Variants in ROCK1 observed in about 807,000 individuals in gnomAD.
The protein encoded by ROCK1 is rho-associated protein kinase 1.
ROCK1 carries 36 observed loss-of-function variants against 196.8 expected under a neutral mutation model. That is an observed-to-expected ratio of 0.18 (90% confidence interval 0.14 to 0.24). The LOEUF (loss-of-function observed/expected upper bound fraction) is 0.24. ROCK1 is among the 10% of genes least tolerant of loss of function. The pLI, the probability that ROCK1 is intolerant of heterozygous loss-of-function variation, is 1.00. For synonymous variants in ROCK1, 443 were observed against 515.9 expected, an observed-to-expected ratio of 0.86 and a Z score of 1.91; for missense variants, 920 against 1,562.0, an observed-to-expected ratio of 0.59 and a Z score of 6.93.
intron 12 of ROCK1, among the ~76,000 whole-genome samples, chr18:21,018,962 A>T (rs2035888990): frequency 1.3e-5 from 2 of 152,308 alleles, no homozygotes; most frequent in South Asian, 4.1e-4. Flanking sequence ...AGCATAACTC[A>T]AAGATATTTT....
intron 12 of ROCK1, among the ~76,000 whole-genome samples, chr18:21,015,787 C>G (rs1421574667): frequency 6.6e-6 from 1 of 151,022 alleles, no homozygotes; most frequent in Non-Finnish European, 1.5e-5. Flanking sequence ...GCTTGGCCAA[C>G]ATGGTGAAAC....
chr18:20,998,469 A>ATTAAACC (rs2035692301), intron 16 of ROCK1, among the ~76,000 whole-genome samples: 1 of 152,174 alleles, frequency 6.6e-6, no homozygotes, highest in Admixed American at 6.5e-5. Context: ...ACCTACCAAG[A>ATTAAACC]TTAAACCATG....
chr18:21,086,199 C>A (rs1004266013), intron 1 of ROCK1, among the ~76,000 whole-genome samples: 4 of 151,556 alleles, frequency 2.6e-5, no homozygotes, highest in Non-Finnish European at 4.4e-5. Flanking sequence ...GCAACCTCCA[C>A]CTCCCAGGTT....
chr18:20,971,785 T>C (rs2035431539), intron 22 of ROCK1, among the ~76,000 whole-genome samples: 1 of 151,746 alleles, frequency 6.6e-6, no homozygotes, highest in South Asian at 2.1e-4. Flanking sequence ...GTACAGGCAA[T>C]TTAAAAAATG....
chr18:20,959,047 A>ATTATATT (rs1555743125), intron 29 of ROCK1, among the ~76,000 whole-genome samples: 11 of 49,534 alleles, frequency 2.2e-4, no homozygotes, highest in African/African-American at 1.7e-3. Flanking sequence ...TATAATATAT[A>ATTATATT]ATATATATAT....
chr18:20,952,338 C>T (rs531809742), intron 32 of ROCK1, among the ~76,000 whole-genome samples: 32 of 152,012 alleles, frequency 2.1e-4, no homozygotes, highest in South Asian at 1.0e-3. Flanking sequence ...GCTGAGATTG[C>T]GCCACTGCAC....
intron 14 of ROCK1, 79 bp from the exon 15 acceptor site, chr18:21,006,869 C>T (rs1402362511): frequency 2.8e-6 from 3 of 1,065,086 alleles, no homozygotes; most frequent in Middle Eastern, 3.1e-4. Flanking sequence ...TAAAAAAAGA[C>T]ATTTAGTCTT....
chr18:20,988,938 A>T (rs1250127835), intron 18 of ROCK1, among the ~76,000 whole-genome samples: 1 of 152,176 alleles, frequency 6.6e-6, no homozygotes, highest in African/African-American at 2.4e-5. Context: ...ACTTAAGTGA[A>T]GGAAATAAAA....
At chr18:20,958,918 AT>A (rs1284297314) in intron 29 of ROCK1, among the ~76,000 whole-genome samples, 1 of 74,080 alleles carries the variant, frequency 1.3e-5, no homozygotes, top group East Asian at 5.4e-4. Context: ...TATTTTATAT[AT>A]TTTATATATA....
chr18:20,958,987 TAAAAA>T (rs1171489790), intron 29 of ROCK1, among the ~76,000 whole-genome samples: 7 of 86,228 alleles, frequency 8.1e-5, no homozygotes, highest in African/African-American at 3.5e-4. Context: ...ATATATTTTA[TAAAAA>T]ATAATATATA....
chr18:21,011,576 C>T (rs946547081), intron 13 of ROCK1, among the ~76,000 whole-genome samples: 3 of 152,284 alleles, frequency 2.0e-5, no homozygotes, highest in African/African-American at 7.2e-5. Context: ...CCACCTCTGC[C>T]TCCCTAGTAG....
chr18:21,009,545 T>A (rs2035798856), intron 13 of ROCK1, among the ~76,000 whole-genome samples: 1 of 152,164 alleles, frequency 6.6e-6, no homozygotes, highest in African/African-American at 2.4e-5. Flanking sequence ...GAATATACAT[T>A]TTCATTTTTC....
chr18:21,014,028 T>C (rs1241203665), intron 13 of ROCK1, among the ~76,000 whole-genome samples: 2 of 141,024 alleles, frequency 1.4e-5, no homozygotes, highest in Non-Finnish European at 3.0e-5. Context: ...ATCGCGCCAC[T>C]GCACTCCAGC....
intron 9 of ROCK1, 28 bp downstream of exon 9, chr18:21,039,443 TA>T (rs1012933194): frequency 8.0e-6 from 12 of 1,508,230 alleles, no homozygotes; most frequent in Non-Finnish European, 1.1e-5. Context: ...AAATATTCAC[TA>T]AAATATGAAA....
intron 13 of ROCK1, among the ~76,000 whole-genome samples, chr18:21,015,202 C>T (rs564862197): frequency 5.9e-5 from 9 of 152,054 alleles, no homozygotes; most frequent in East Asian, 5.8e-4. Context: ...CTGAAATTTA[C>T]GTACTAAAAT....
chr18:21,047,482 T>C (rs1156932856), intron 4 of ROCK1, among the ~76,000 whole-genome samples: 2 of 152,086 alleles, frequency 1.3e-5, no homozygotes, highest in East Asian at 3.9e-4. Flanking sequence ...GGTAAAAACA[T>C]AGACATTTCA....
rs145905511 is a variant in ROCK1, at chr18:21,017,128, G to A, written c.1362-1649C>T. On this transcript the variant is annotated intron_variant, in intron 12 of 32. Coordinates refer to ENST00000399799, the MANE Select transcript of ROCK1 (RefSeq NM_005406.3). ...CAAAACAGTACAGGCATCTCCTGAT[G>A]TATTCCTGATATTCCTGTATAATTT... Among the ~76,000 whole-genome samples the A allele has an allele frequency of 5.7e-4, 84 of 147,866 alleles. 1 individual carries two copies. The East Asian group carries it at 0.015, about 27-fold the overall frequency.
At chr18:21,079,217 C>T (rs2036461744) in intron 1 of ROCK1, among the ~76,000 whole-genome samples, 1 of 152,178 alleles carries the variant, frequency 6.6e-6, no homozygotes, top group Non-Finnish European at 1.5e-5. Context: ...AACTGCTTCC[C>T]TTCCTTGCAG....
intron 29 of ROCK1, among the ~76,000 whole-genome samples, chr18:20,956,873 G>A (rs1225412047): frequency 6.6e-6 from 1 of 151,898 alleles, no homozygotes; most frequent in Non-Finnish European, 1.5e-5. Flanking sequence ...CAAAAGACTT[G>A]AAAAAAGAAA....
Sources: gnomAD v4.1 joint callset for allele counts (sites outside exome capture counted in the v4.1 genomes callset) on GRCh38, gnomAD v4.1.1 for gene constraint, MANE v1.5 for transcripts, NCBI Gene and HGNC (gene_info 2026-07-23, HGNC 2026-07-21) for gene names.